IMMP2L: variants seen among roughly 807,000 people sequenced by gnomAD.
IMMP2L encodes the protein mitochondrial inner membrane protease subunit 2.
IMMP2L carries 18 observed loss-of-function variants against 19.3 expected under a neutral mutation model. The observed-to-expected ratio is 0.93, with a 90% CI of 0.64 to 1.38. IMMP2L has a LOEUF of 1.38. IMMP2L is among the 40% of genes most tolerant of loss of function. The pLI, the probability that IMMP2L is intolerant of heterozygous loss-of-function variation, is 0.00. For missense variants in IMMP2L, 233 were observed against 218.2 expected (o/e 1.07, Z -0.43); for synonymous variants, 76 against 73.0 (o/e 1.04, Z -0.21).
chr7:111,405,821 A>G (rs1178692740), intron 3 of IMMP2L, among the ~76,000 whole-genome samples: 1 of 152,052 alleles, frequency 6.6e-6, no homozygotes, highest in Admixed American at 6.5e-5. Flanking sequence ...GTAGCTTACC[A>G]CCTATTAATT....
At chr7:110,740,885 C>G (rs1337863199) in intron 5 of IMMP2L, among the ~76,000 whole-genome samples, 1 of 150,636 alleles carries the variant, frequency 6.6e-6, no homozygotes, top group Admixed American at 6.6e-5. Flanking sequence ...TACATGTAAC[C>G]CAGAACTTAC....
intron 3 of IMMP2L, among the ~76,000 whole-genome samples, chr7:111,446,129 G>A (rs1246193520): frequency 6.7e-6 from 1 of 148,888 alleles, no homozygotes; most frequent in African/African-American, 2.4e-5. Flanking sequence ...AAGGCTGGGG[G>A]AGGGGCGCCC....
At chr7:111,098,302 A>G (rs1797614125) in intron 3 of IMMP2L, among the ~76,000 whole-genome samples, 1 of 151,836 alleles carries the variant, frequency 6.6e-6, no homozygotes, top group Admixed American at 6.6e-5. Flanking sequence ...AGAGTTTCAT[A>G]AGGTGATGTT....
intron 5 of IMMP2L, among the ~76,000 whole-genome samples, chr7:110,819,108 A>G (rs970248068): frequency 1.7e-5 from 2 of 119,010 alleles, no homozygotes; most frequent in African/African-American, 5.1e-5. Flanking sequence ...TTAAAGTATA[A>G]TAATAACAAA....
intron 3 of IMMP2L, among the ~76,000 whole-genome samples, chr7:111,399,492 T>C (rs750028918): frequency 2.0e-5 from 3 of 151,928 alleles, no homozygotes; most frequent in Admixed American, 6.6e-5. Context: ...ATGCCTGGGA[T>C]TACAGGCATG....
At position 110,909,345 on chromosome 7, in the gene IMMP2L, G is replaced by A. The variant is rs192926453; in HGVS notation, c.306-22650C>T. 3.0e-3 allele frequency among the ~76,000 whole-genome samples: 457 copies of A among 152,204 alleles called. 3 individuals carry two copies. Among genetic ancestry groups the A allele is most frequent in the African/African-American group, 0.01 (436 of 41,536 alleles). On this transcript the variant is annotated intron_variant, in intron 4 of 5. Coordinates refer to ENST00000405709, the MANE Select transcript of IMMP2L (RefSeq NM_032549.4). ...GATAGTTCAAACAATTGCTTATTCT[G>A]CGACAAGAGACATGAGTTCATTTTA... is the stretch of plus-strand genomic sequence containing the variant.
chr7:111,332,160 G>C (rs751940789), intron 3 of IMMP2L, among the ~76,000 whole-genome samples: 8 of 151,652 alleles, frequency 5.3e-5, no homozygotes, highest in Non-Finnish European at 1.2e-4. Context: ...ATGTTTAAAT[G>C]GGGAATAAGG....
intron 3 of IMMP2L, among the ~76,000 whole-genome samples, chr7:110,978,243 C>T (rs1364682506): frequency 6.6e-6 from 1 of 151,926 alleles, no homozygotes. Flanking sequence ...ATGGACTGTG[C>T]CACTTGTTAG....
chr7:110,670,723 C>A (rs112014090), intron 5 of IMMP2L, among the ~76,000 whole-genome samples: 3,010 of 148,572 alleles, frequency 0.02, 111 homozygotes, highest in African/African-American at 0.07. Flanking sequence ...ACAAAAAAAA[C>A]CCCTAAACAA....
rs117971087 is a variant in IMMP2L, at chr7:111,527,214, T to C, written c.-2-5765A>G. Among the ~76,000 whole-genome samples, 334 of 151,956 alleles carry C rather than the reference T, an allele frequency of 2.2e-3. 1 individual carries two copies. The highest frequency in any genetic ancestry group is 3.5e-3 in the Admixed American group (54 of 15,260). ...CAAGAGGGTCACTTCAGGTCAGGAGTTCGAGGCCAGCCTGAGCAACACAGC... is the reference window on the plus strand; with the variant it reads ...CAAGAGGGTCACTTCAGGTCAGGAGCTCGAGGCCAGCCTGAGCAACACAGC... On this transcript the variant is annotated intron_variant, in intron 1 of 5. Transcript: ENST00000405709.
chr7:111,258,649 G>A (rs1025379158), intron 3 of IMMP2L, among the ~76,000 whole-genome samples: 1 of 151,898 alleles, frequency 6.6e-6, no homozygotes, highest in Non-Finnish European at 1.5e-5. Context: ...TGGAATTACA[G>A]GTACCTGCAA....
intron 5 of IMMP2L, among the ~76,000 whole-genome samples, chr7:110,807,896 T>C (rs1183454731): frequency 1.3e-5 from 2 of 152,054 alleles, no homozygotes; most frequent in Non-Finnish European, 1.5e-5. Context: ...TCTGCCCTAG[T>C]TGATGACAGA....
At chr7:110,698,509 C>T (rs191227954) in intron 5 of IMMP2L, among the ~76,000 whole-genome samples, 3 of 152,168 alleles carry the variant, frequency 2.0e-5, no homozygotes, top group African/African-American at 7.2e-5. Context: ...GAGAGAATAC[C>T]CTCCCCTCTA....
intron 3 of IMMP2L, among the ~76,000 whole-genome samples, chr7:111,284,127 C>A (rs1018701305): frequency 1.3e-5 from 2 of 151,950 alleles, no homozygotes; most frequent in Admixed American, 6.6e-5. Flanking sequence ...CATGGCTCTG[C>A]CACAGTTACG....
intron 3 of IMMP2L, among the ~76,000 whole-genome samples, chr7:111,306,572 T>C (rs1269284698): frequency 6.6e-6 from 1 of 151,870 alleles, no homozygotes; most frequent in Non-Finnish European, 1.5e-5. Flanking sequence ...CCTTTCATTT[T>C]TATATATGAG....
intron 3 of IMMP2L, among the ~76,000 whole-genome samples, chr7:111,398,196 ATCCTTGATCAACACAGATGCTAAAC>A (rs1378069691): frequency 6.6e-6 from 1 of 152,052 alleles, no homozygotes; most frequent in East Asian, 1.9e-4. Context: ...ACTGACTGAT[ATCCTTGATCAACACAGATGCTAAAC>A]TCCTTAACAA....
intron 3 of IMMP2L, among the ~76,000 whole-genome samples, chr7:111,430,646 T>C (rs1836532280): frequency 2.6e-5 from 4 of 151,870 alleles, no homozygotes; most frequent in Admixed American, 2.6e-4. Flanking sequence ...ATAACTATTT[T>C]AAACTATTAA....
At chr7:111,017,758 G>A (rs550538733) in intron 3 of IMMP2L, among the ~76,000 whole-genome samples, 2 of 152,202 alleles carry the variant, frequency 1.3e-5, no homozygotes, top group East Asian at 3.9e-4. Context: ...CATTAAGCCA[G>A]GCTCACAAAG....
chr7:111,352,045 A>G (rs935434942), intron 3 of IMMP2L, among the ~76,000 whole-genome samples: 2 of 152,168 alleles, frequency 1.3e-5, no homozygotes, highest in Admixed American at 1.3e-4. Context: ...GTTGCATTTT[A>G]TATCAGTATG....
Sources: gnomAD v4.1 joint callset for allele counts (sites outside exome capture counted in the v4.1 genomes callset) on GRCh38, gnomAD v4.1.1 for gene constraint, MANE v1.5 for transcripts, NCBI Gene and HGNC (gene_info 2026-07-23, HGNC 2026-07-21) for gene names.